The following DLC1 variants were observed in gnomAD, a reference collection of about 807,000 sequenced individuals.
DLC1 encodes DLC1 Rho GTPase activating protein.
A neutral mutation model predicts 140.3 loss-of-function variants in DLC1; 54 were observed. The observed-to-expected ratio is 0.38, with a 90% CI of 0.31 to 0.48. The LOEUF (loss-of-function observed/expected upper bound fraction) is 0.48. Ranked by LOEUF, DLC1 falls within the 20% of genes least tolerant of loss-of-function variation. The pLI, the probability that DLC1 is intolerant of heterozygous loss-of-function variation, is 0.96. For missense variants in DLC1, 2,536 were observed against 1,907.0 expected (o/e 1.33, Z -6.14); for synonymous variants, 986 against 728.1 (o/e 1.35, Z -5.70).
chr8:13,444,379 C>T (rs902348395), intron 2 of DLC1, among the ~76,000 whole-genome samples: 1 of 152,046 alleles, frequency 6.6e-6, no homozygotes, highest in Non-Finnish European at 1.5e-5. Flanking sequence ...AGCAAACCAA[C>T]ATGACACATG....
Position 13,166,433 on chromosome 8 carries a change from C to T in DLC1, c.1349-50776G>A, listed in dbSNP as rs180826692. On this transcript the variant is annotated intron_variant, in intron 5 of 17. Coordinates refer to ENST00000276297, the MANE Select transcript of DLC1 (RefSeq NM_182643.3). ...TCAGCTCATTGCAACCTCTGCCTCC[C>T]GGGTTCAAGCTATTCTCCTGCCTCA... 9.3e-4 allele frequency among the ~76,000 whole-genome samples: 141 copies of T among 152,234 alleles called. 1 individual carries two copies. The highest frequency in any genetic ancestry group is 3.3e-3 in the African/African-American group (136 of 41,530).
At chr8:13,182,188 CT>C (rs887672666) in intron 5 of DLC1, among the ~76,000 whole-genome samples, 42 of 150,484 alleles carry the variant, frequency 2.8e-4, no homozygotes, top group Middle Eastern at 3.4e-3. Flanking sequence ...AGGGTTTTTT[CT>C]TTTTTTTTCA....
intron 5 of DLC1, among the ~76,000 whole-genome samples, chr8:13,303,155 C>T (rs1832271378): frequency 6.6e-6 from 1 of 152,098 alleles, no homozygotes; most frequent in African/African-American, 2.4e-5. Flanking sequence ...GCATATCCTC[C>T]AGAAATCTAA....
intron 4 of DLC1, among the ~76,000 whole-genome samples, chr8:13,352,584 T>C (rs574742942): frequency 7.2e-5 from 11 of 152,240 alleles, no homozygotes; most frequent in African/African-American, 2.2e-4. Flanking sequence ...CCTCCCTATG[T>C]TGCCCAGGCT....
At chr8:13,170,911 C>G (rs1476641386) in intron 5 of DLC1, among the ~76,000 whole-genome samples, 1 of 152,074 alleles carries the variant, frequency 6.6e-6, no homozygotes, top group African/African-American at 2.4e-5. Context: ...AAGGTCTAAC[C>G]TTGCATGATC....
chr8:13,160,878 G>A (rs1028845917), intron 5 of DLC1, among the ~76,000 whole-genome samples: 1 of 152,190 alleles, frequency 6.6e-6, no homozygotes, highest in Non-Finnish European at 1.5e-5. Context: ...GAGGTCTCAG[G>A]AGATTGAGAC....
chr8:13,185,121 G>GTTTTTTT (rs1826277919), intron 5 of DLC1, among the ~76,000 whole-genome samples: 1 of 110,670 alleles, frequency 9.0e-6, no homozygotes, highest in African/African-American at 4.0e-5. Context: ...TGCAACCCCT[G>GTTTTTTT]CTTTTTTTTT....
intron 4 of DLC1, among the ~76,000 whole-genome samples, chr8:13,352,971 C>T (rs1289655598): frequency 2.0e-5 from 3 of 152,130 alleles, no homozygotes; most frequent in African/African-American, 7.2e-5. Flanking sequence ...TAGTAAAACA[C>T]TAACAAGCAA....
At chr8:13,380,846 C>T (rs2117158770) in intron 4 of DLC1, among the ~76,000 whole-genome samples, 1 of 152,326 alleles carries the variant, frequency 6.6e-6, no homozygotes, top group Non-Finnish European at 1.5e-5. Context: ...CCTCAATTCT[C>T]CTGCCTTCTT....
chr8:13,393,767 C>T, intron 3 of DLC1, 74 bp from the exon 4 acceptor site: 2 of 1,529,554 alleles, frequency 1.3e-6, no homozygotes, highest in African/African-American at 1.4e-5. Context: ...ACCACCAGAA[C>T]TTTGTCACTT....
At chr8:13,345,025 C>T (rs1242037014) in intron 4 of DLC1, among the ~76,000 whole-genome samples, 1 of 151,970 alleles carries the variant, frequency 6.6e-6, no homozygotes. Flanking sequence ...CATATAATTC[C>T]AGGATAGTGA....
chr8:13,085,694 C>T lies in DLC1; in HGVS notation c.*117G>A. 1 of 1,479,030 alleles carries T rather than the reference C, an allele frequency of 6.8e-7. No individual in the cohort carries two copies. Among genetic ancestry groups the T allele is most frequent in the Non-Finnish European group, 9.1e-7 (1 of 1,100,700 alleles). 91.6% of individuals were successfully genotyped at this position (1,479,030 alleles called of 1,614,324 possible). Reference sequence around the variant, plus strand: ...CAAATTGCTATAGTCAATTCCTACACTCCAGCTTGTAGTTTTCTTTGTTTC... The same window carrying T: ...CAAATTGCTATAGTCAATTCCTACATTCCAGCTTGTAGTTTTCTTTGTTTC... On this transcript the variant is annotated 3_prime_UTR_variant, in exon 18 of 18. Transcript: ENST00000276297.
At chr8:13,271,384 G>T (rs1219236653) in intron 5 of DLC1, among the ~76,000 whole-genome samples, 1 of 152,196 alleles carries the variant, frequency 6.6e-6, no homozygotes, top group African/African-American at 2.4e-5. Context: ...CCTTGGAAGT[G>T]GGCCAGAATT....
intron 4 of DLC1, among the ~76,000 whole-genome samples, chr8:13,360,835 A>T (rs765497416): frequency 6.6e-6 from 1 of 152,166 alleles, no homozygotes; most frequent in Non-Finnish European, 1.5e-5. Context: ...CCTTCTTTCA[A>T]TGCTAATTGT....
Position 13,086,429 on chromosome 8 carries a change from C to T in DLC1, c.4327G>A (p.Ala1443Thr). ...WRTNLPKGAC[A>T]LLLTSVDHDR... ...TGATCCACAGAGGTTAGTAAAAGGGCACAGGCTCCTTTGGGTAAATTAGTC... is the reference window on the plus strand; with the variant it reads ...TGATCCACAGAGGTTAGTAAAAGGGTACAGGCTCCTTTGGGTAAATTAGTC... Residue 1443 changes from alanine (A) to threonine (T), a missense_variant, in exon 17 of 18, where the codon GCC becomes ACC. Coordinates refer to ENST00000276297, the MANE Select transcript of DLC1 (RefSeq NM_182643.3). The T allele has an allele frequency of 6.2e-7, 1 of 1,614,230 alleles. No individual in the cohort carries two copies. The highest frequency in any genetic ancestry group is 8.5e-7 in the Non-Finnish European group (1 of 1,180,048).
intron 2 of DLC1, among the ~76,000 whole-genome samples, chr8:13,491,505 A>T (rs4615570): frequency 0.75 from 114,455 of 152,096 alleles, 44,476 homozygotes; most frequent in Middle Eastern, 0.9. Context: ...GATAAAATAT[A>T]CGTGAATGGA....
At chr8:13,449,654 A>T (rs1012131834) in intron 2 of DLC1, among the ~76,000 whole-genome samples, 2 of 142,942 alleles carry the variant, frequency 1.4e-5, no homozygotes, top group African/African-American at 5.1e-5. Flanking sequence ...GGAATATCAC[A>T]CACTGGGGCC....
chr8:13,203,124 G>C (rs906590943), intron 5 of DLC1, among the ~76,000 whole-genome samples: 1 of 152,100 alleles, frequency 6.6e-6, no homozygotes, highest in African/African-American at 2.4e-5. Flanking sequence ...ACCTATCTTT[G>C]TCTTGCCTTA....
At chr8:13,385,410 A>G (rs1836475809) in intron 4 of DLC1, among the ~76,000 whole-genome samples, 1 of 152,220 alleles carries the variant, frequency 6.6e-6, no homozygotes, top group Non-Finnish European at 1.5e-5. Flanking sequence ...TAAAGTAGAA[A>G]GACTAGAGAA....
Sources: gnomAD v4.1 joint callset for allele counts (sites outside exome capture counted in the v4.1 genomes callset) on GRCh38, gnomAD v4.1.1 for gene constraint, MANE v1.5 for transcripts, NCBI Gene and HGNC (gene_info 2026-07-23, HGNC 2026-07-21) for gene names.